Variants in GATA2 observed in about 807,000 individuals in gnomAD.
The protein encoded by GATA2 is GATA binding protein 2, also known as endothelial transcription factor GATA-2.
A neutral mutation model predicts 35.7 loss-of-function variants in GATA2; 6 were observed. The observed-to-expected ratio is 0.17, with a 90% CI of 0.09 to 0.33. The LOEUF (loss-of-function observed/expected upper bound fraction) is 0.33, where lower values mean the gene tolerates loss of function less well. Ranked by LOEUF, GATA2 falls within the 10% of genes least tolerant of loss-of-function variation. The pLI, the probability that GATA2 is intolerant of heterozygous loss-of-function variation, is 1.00. For missense variants in GATA2, 541 were observed against 656.6 expected, an observed-to-expected ratio of 0.82 and a Z score of 1.92; for synonymous variants, 313 against 274.9, an observed-to-expected ratio of 1.14 and a Z score of -1.37.
In GATA2 at chr3:128,487,017, G is replaced by T. The variant is rs1573858; in HGVS notation, c.15C>A (p.Pro5=). The T allele has an allele frequency of 6.3e-7, 1 of 1,590,028 alleles. No homozygotes were observed. The highest frequency in any genetic ancestry group is 8.6e-7 in the Non-Finnish European group (1 of 1,168,368). The part of the protein sequence containing the change: MEVA[P]EQPRWMAHPA... ...GGTGCGCCATCCAGCGCGGCTGCTC[G>T]GGCGCCACCTCCATGGCCGGCGGCG... The change falls in exon 2 of 6, where the codon CCC becomes CCA. Residue 5 remains proline, a synonymous_variant. Coordinates refer to ENST00000341105, the MANE Select transcript of GATA2 (RefSeq NM_032638.5).
intron 1 of GATA2, chr3:128,487,895 G>T (rs960903106): frequency 5.2e-5 from 8 of 152,398 alleles, no homozygotes; most frequent in South Asian, 4.1e-4. Context: ...GGCATCCTCC[G>T]GCCGCCCTGG....
intron 4 of GATA2, among the ~76,000 whole-genome samples, chr3:128,483,096 G>A (rs1204390379): frequency 2.0e-5 from 3 of 152,182 alleles, no homozygotes; most frequent in Non-Finnish European, 2.9e-5. Context: ...CCCCGCCCTC[G>A]CTCCAGGGGA....
Position 128,480,535 on chromosome 3 carries a change from G to A in GATA2, c.*484C>T, listed in dbSNP as rs2068612141. 1 of 251,378 alleles carries A rather than the reference G, an allele frequency of 4.0e-6. No individual in the cohort carries two copies. The highest frequency in any genetic ancestry group is 5.6e-5 in the East Asian group (1 of 17,796). 15.6% of individuals were successfully genotyped at this position (251,378 alleles called of 1,614,324 possible). ...TCGGCTATTTCAGAGAGGGAAGCCAGAGGAGAAGAGGGTGCAGGCTGAGGT... is the reference window on the plus strand; with the variant it reads ...TCGGCTATTTCAGAGAGGGAAGCCAAAGGAGAAGAGGGTGCAGGCTGAGGT... On this transcript the variant is annotated 3_prime_UTR_variant, in exon 6 of 6. Coordinates refer to ENST00000341105, the MANE Select transcript of GATA2 (RefSeq NM_032638.5).
chr3:128,491,033 C>T (rs1419201056), intron 1 of GATA2, among the ~76,000 whole-genome samples: 1 of 152,140 alleles, frequency 6.6e-6, no homozygotes, highest in Non-Finnish European at 1.5e-5. Context: ...TTCGAAGGAC[C>T]CTTTTGGCCC....
chr3:128,482,640 C>A (rs973357336), intron 4 of GATA2, among the ~76,000 whole-genome samples: 1 of 152,060 alleles, frequency 6.6e-6, no homozygotes, highest in Non-Finnish European at 1.5e-5. Flanking sequence ...AGTGCTGATC[C>A]CCCCCATCCA....
At position 128,483,242 on chromosome 3, in the gene GATA2, G is replaced by A. The variant is rs1053590805; in HGVS notation, c.1017+618C>T. Among the ~76,000 whole-genome samples the A allele has an allele frequency of 6.6e-6, 1 of 152,202 alleles. No homozygotes were observed. Among genetic ancestry groups the A allele is most frequent in the African/African-American group, 2.4e-5 (1 of 41,448 alleles). On this transcript the variant is annotated intron_variant, in intron 4 of 5. Coordinates refer to ENST00000341105, the MANE Select transcript of GATA2 (RefSeq NM_032638.5). The stretch of plus-strand genomic sequence containing the variant: ...ATTAGAAATTTCAAAACAGCCCAGC[G>A]AGAGGCAGGACTGAGCTGAGGAGAC...
Position 128,481,786 on chromosome 3 carries a change from A to G in GATA2, c.1143+33T>C, listed in dbSNP as rs746583561. On this transcript the variant is annotated intron_variant, in intron 5 of 5. Coordinates refer to ENST00000341105, the MANE Select transcript of GATA2 (RefSeq NM_032638.5). The stretch of plus-strand genomic sequence containing the variant: ...GCACAAAGCGCAGAGGTCCCCTGGG[A>G]GGGGCGGGGTGGCCGGGGCGGGGCG... The G allele has an allele frequency of 4.5e-6, 7 of 1,562,514 alleles. No individual in the cohort carries two copies. The South Asian group carries it at 6.7e-5, about 15-fold the overall frequency.
At chr3:128,481,467 T>C (rs1480002786) in intron 5 of GATA2, 149 bp from the exon 6 acceptor site, 2 of 914,008 alleles carry the variant, frequency 2.2e-6, no homozygotes, top group African/African-American at 1.6e-5. Flanking sequence ...CATCACCAGA[T>C]GGCTACCATT....
intron 4 of GATA2, among the ~76,000 whole-genome samples, chr3:128,482,906 G>A (rs1017396410): frequency 6.6e-6 from 1 of 152,230 alleles, no homozygotes; most frequent in Admixed American, 6.5e-5. Flanking sequence ...TGGTGAGTGT[G>A]GGGGGCTGGG....
At chr3:128,482,897 GGTGA>G (rs2068648624) in intron 4 of GATA2, among the ~76,000 whole-genome samples, 1 of 152,262 alleles carries the variant, frequency 6.6e-6, no homozygotes, top group Non-Finnish European at 1.5e-5. Context: ...TGCACCAGGT[GGTGA>G]GTGTGGGGGG....
At chr3:128,492,598 G>A (rs894644816) in intron 1 of GATA2, among the ~76,000 whole-genome samples, 3 of 152,214 alleles carry the variant, frequency 2.0e-5, no homozygotes, top group African/African-American at 7.2e-5. Context: ...AAAGGCCCCA[G>A]TTCGGGGGCC....
rs1209892348 is a variant in GATA2 at position 128,488,209 on chromosome 3, G to A, written c.-45-1133C>T. The A allele has an allele frequency of 6.6e-6, 1 of 152,302 alleles. No homozygotes were observed. Among genetic ancestry groups the A allele is most frequent in the Non-Finnish European group, 1.5e-5 (1 of 68,192 alleles). 9.4% of individuals were successfully genotyped at this position (152,302 alleles called of 1,614,324 possible). A position where few individuals can be genotyped will look rare whatever the true frequency, so the allele number is the denominator to read the frequency against. ...ACTCCGGGATCCCTCGATGCTCTGG[G>A]CCTCCCTAGCAGTAACTAACCACCA... is the stretch of plus-strand genomic sequence containing the variant. On this transcript the variant is annotated intron_variant, in intron 1 of 5. Coordinates refer to ENST00000341105, the MANE Select transcript of GATA2 (RefSeq NM_032638.5). The surrounding 1 kb of genome is among the most constrained non-coding windows in gnomAD (Gnocchi z 5.8).
rs933602207 is a variant in GATA2, at chr3:128,488,081, G to A, written c.-45-1005C>T. 1.3e-5 allele frequency among the ~76,000 whole-genome samples: 2 copies of A among 152,108 alleles called. No individual in the cohort carries two copies. The highest frequency in any genetic ancestry group is 6.5e-5 in the Admixed American group (1 of 15,280). On this transcript the variant is annotated intron_variant, in intron 1 of 5. Transcript: ENST00000341105. This position sits in a 1 kb window ranked among gnomAD's most constrained non-coding sequence, Gnocchi z 5.8. ...CGCGGGCCGGCCCCCCTCAGCCGGC[G>A]GGCCCCCTCCCTGCGCGCTCCTGGC... is the stretch of plus-strand genomic sequence containing the variant.
rs749879020 is a variant in GATA2, at chr3:128,486,959, G to A, written c.73C>T (p.His25Tyr). The change falls in exon 2 of 6, where the codon CAC becomes TAC. Residue 25 changes from histidine to tyrosine, a missense_variant. Transcript: ENST00000341105. ...TAGTTGTGCGCCAGGCCCGGGTGGT[G>A]TGAGTCGGGGTGCTGCGCATTCAGC... is the stretch of plus-strand genomic sequence containing the variant. ...AVLNAQHPDS[H>Y]HPGLAHNYME... The A allele has an allele frequency of 6.2e-7, 1 of 1,612,054 alleles. No homozygotes were observed. The highest frequency in any genetic ancestry group is 8.5e-7 in the Non-Finnish European group (1 of 1,179,214).
rs938268244 is a variant in GATA2, at chr3:128,480,667, G to A, written c.*352C>T. The A allele has an allele frequency of 2.3e-4, 74 of 322,730 alleles. 1 individual carries two copies. The highest frequency in any genetic ancestry group is 4.0e-4 in the Non-Finnish European group (70 of 175,530). The allele number at this position is 322,730 out of a possible 1,614,324, so 20.0% of individuals were successfully genotyped here. A position where few individuals can be genotyped will look rare whatever the true frequency, so the allele number is the denominator to read the frequency against. On this transcript the variant is annotated 3_prime_UTR_variant, in exon 6 of 6. Coordinates refer to ENST00000341105, the MANE Select transcript of GATA2 (RefSeq NM_032638.5). Reference sequence around the variant, plus strand: ...CCACCAAGTCTCCAAGTCCTTGTTAGAAACAAGAGCAAAATAAATTATTTT... The same window carrying A: ...CCACCAAGTCTCCAAGTCCTTGTTAAAAACAAGAGCAAAATAAATTATTTT...
rs2068706465 is a variant in GATA2 at position 128,486,806 on chromosome 3, G to C, written c.226C>G (p.His76Asp). The C allele has an allele frequency of 3.1e-6, 5 of 1,601,836 alleles. No individual in the cohort carries two copies. Among genetic ancestry groups the C allele is most frequent in the Non-Finnish European group, 4.3e-6 (5 of 1,175,590 alleles). ...ARARVSYSPA[H>D]ARLTGGQMCR... is the part of the protein sequence containing the mutation. Reference sequence around the variant, plus strand: ...TCACCACGGGCCCAGTGCTCACCGTGCGCGGGGCTGTAGGAGACGCGCGCC... The same window carrying C: ...TCACCACGGGCCCAGTGCTCACCGTCCGCGGGGCTGTAGGAGACGCGCGCC... Residue 76 changes from histidine (H) to aspartate (D), a missense_variant, in exon 2 of 6, where the codon CAC becomes GAC. His to Asp is a moderately conservative substitution (Grantham distance 81). This residue lies in a region of GATA2 where 389 missense variants were observed against 396.9 expected (regional missense o/e 0.98). Transcript: ENST00000341105.
chr3:128,483,752 G>A lies in GATA2; in HGVS notation c.1017+108C>T, dbSNP rs2068659310. On this transcript the variant is annotated intron_variant, in intron 4 of 5. Coordinates refer to ENST00000341105, the MANE Select transcript of GATA2 (RefSeq NM_032638.5). ...TCCCAGTGCTTTTCATGATAAAAGA[G>A]GATTTCAAGCGGCAAAGCGTCTGCA... is the stretch of plus-strand genomic sequence containing the variant. The A allele has an allele frequency of 1.1e-5, 16 of 1,431,168 alleles. No individual in the cohort carries two copies. In the South Asian group the frequency reaches 1.9e-4, roughly 17 times the overall value. 88.7% of individuals were successfully genotyped at this position (1,431,168 alleles called of 1,614,324 possible). A position where few individuals can be genotyped will look rare whatever the true frequency, so the allele number is the denominator to read the frequency against.
chr3:128,483,144 A>C (rs2068652270), intron 4 of GATA2, among the ~76,000 whole-genome samples: 1 of 152,288 alleles, frequency 6.6e-6, no homozygotes. Flanking sequence ...TTTAAGCCTC[A>C]TAAATCACTT....
chr3:128,490,924 G>A (rs2068760909), intron 1 of GATA2, among the ~76,000 whole-genome samples: 1 of 152,224 alleles, frequency 6.6e-6, no homozygotes, highest in South Asian at 2.1e-4. Context: ...AGTTGGAAAT[G>A]CTGGCGCTGC....
Sources: gnomAD v4.1 joint callset for allele counts (sites outside exome capture counted in the v4.1 genomes callset) on GRCh38, gnomAD v4.1.1 for gene constraint, gnomAD v4.1.1 regional missense constraint, Gnocchi (gnomAD v3.1) non-coding constraint, MANE v1.5 for transcripts, NCBI Gene and HGNC (gene_info 2026-07-23, HGNC 2026-07-21) for gene names.